INPP4B: variants seen among roughly 807,000 people sequenced by gnomAD.
The protein encoded by INPP4B is inositol polyphosphate 4-phosphatase type II.
Under a neutral mutation model 122.5 loss-of-function variants are expected in INPP4B, and 55 were observed. The observed-to-expected ratio is 0.45, with a 90% CI of 0.36 to 0.56. The LOEUF (loss-of-function observed/expected upper bound fraction) is 0.56, where lower values mean the gene tolerates loss of function less well. Among genes scored for constraint, INPP4B ranks in the 20% least tolerant of loss-of-function variants. INPP4B has a pLI of 0.00. For missense variants in INPP4B, 1,000 were observed against 1,097.7 expected (o/e 0.91, Z 1.26); for synonymous variants, 403 against 388.7 (o/e 1.04, Z -0.43).
chr4:142,328,892 A>C (rs538688814), intron 7 of INPP4B, among the ~76,000 whole-genome samples: 26 of 152,308 alleles, frequency 1.7e-4, no homozygotes, highest in African/African-American at 6.0e-4. Context: ...GCATTACATT[A>C]ATCTTACCCT....
intron 2 of INPP4B, among the ~76,000 whole-genome samples, chr4:142,575,959 A>C (rs1733734543): frequency 6.6e-6 from 1 of 152,048 alleles, no homozygotes; most frequent in Admixed American, 6.6e-5. Flanking sequence ...TAAGAGATTG[A>C]ATTCCCACCT....
intron 12 of INPP4B, among the ~76,000 whole-genome samples, chr4:142,217,098 T>G (rs1353937662): frequency 6.6e-6 from 1 of 152,138 alleles, no homozygotes; most frequent in East Asian, 1.9e-4. Context: ...TAATTTACAT[T>G]GGAATTCTGT....
intron 5 of INPP4B, among the ~76,000 whole-genome samples, chr4:142,411,568 A>T (rs1451747951): frequency 1.3e-5 from 2 of 152,128 alleles, no homozygotes; most frequent in African/African-American, 2.4e-5. Context: ...TACAGAGGAC[A>T]TTGGCATCCT....
chr4:142,745,403 G>C (rs1768560966), intron 1 of INPP4B, among the ~76,000 whole-genome samples: 1 of 151,754 alleles, frequency 6.6e-6, no homozygotes, highest in Non-Finnish European at 1.5e-5. Flanking sequence ...ATGTCCTGCA[G>C]GAAAAATCTT....
chr4:142,465,909 A>G (rs1817669683), intron 2 of INPP4B, among the ~76,000 whole-genome samples: 1 of 152,176 alleles, frequency 6.6e-6, no homozygotes, highest in Non-Finnish European at 1.5e-5. Flanking sequence ...CCATAATTGG[A>G]AGCTTTCTGA....
chr4:142,596,926 G>T (rs974425603), intron 2 of INPP4B, among the ~76,000 whole-genome samples: 3 of 152,112 alleles, frequency 2.0e-5, no homozygotes, highest in Non-Finnish European at 4.4e-5. Context: ...TTTTTGTTTT[G>T]ACCTCCAAAG....
chr4:142,730,790 A>G (rs1040498430), intron 1 of INPP4B, among the ~76,000 whole-genome samples: 3 of 152,140 alleles, frequency 2.0e-5, no homozygotes, highest in Non-Finnish European at 4.4e-5. Flanking sequence ...GCTAAACTCA[A>G]TGATCAGCAT....
intron 3 of INPP4B, among the ~76,000 whole-genome samples, chr4:142,442,639 G>A (rs1010487968): frequency 4.6e-5 from 7 of 152,062 alleles, no homozygotes; most frequent in African/African-American, 1.7e-4. Flanking sequence ...CTTAAATGAT[G>A]CATGAAATCA....
At chr4:142,211,610 G>A (rs1279741098) in intron 12 of INPP4B, among the ~76,000 whole-genome samples, 1 of 152,098 alleles carries the variant, frequency 6.6e-6, no homozygotes, top group African/African-American at 2.4e-5. Flanking sequence ...AAACATAGCT[G>A]GTTATTTGGT....
At chr4:142,616,987 A>G (rs1743837584) in intron 2 of INPP4B, among the ~76,000 whole-genome samples, 1 of 152,172 alleles carries the variant, frequency 6.6e-6, no homozygotes, top group African/African-American at 2.4e-5. Flanking sequence ...CCTATTGGGT[A>G]CATTGTGCAG....
chr4:142,433,822 T>C (rs1002421137), intron 3 of INPP4B, among the ~76,000 whole-genome samples: 11 of 152,164 alleles, frequency 7.2e-5, no homozygotes, highest in African/African-American at 2.4e-4. Context: ...CCCTTAGTTG[T>C]TATGGTTCCT....
chr4:142,258,466 C>G (rs1737740160), intron 11 of INPP4B, among the ~76,000 whole-genome samples: 1 of 152,176 alleles, frequency 6.6e-6, no homozygotes, highest in Non-Finnish European at 1.5e-5. Flanking sequence ...TGACAAAGGA[C>G]TAATATCCAG....
intron 1 of INPP4B, among the ~76,000 whole-genome samples, chr4:142,774,822 T>C (rs150791352): frequency 0.013 from 2,045 of 152,200 alleles, 25 homozygotes; most frequent in Middle Eastern, 0.044. Context: ...TATTAACCTC[T>C]TACATTAGTA....
At chr4:142,824,865 T>C (rs968018930) in intron 1 of INPP4B, among the ~76,000 whole-genome samples, 4 of 152,134 alleles carry the variant, frequency 2.6e-5, no homozygotes, top group African/African-American at 7.2e-5. Context: ...ATTGGAAATA[T>C]ATAGTTTAAA....
intron 2 of INPP4B, among the ~76,000 whole-genome samples, chr4:142,542,243 T>C (rs113566438): frequency 2.8e-4 from 43 of 152,308 alleles, no homozygotes; most frequent in African/African-American, 1.0e-3. Context: ...ATATTATTCT[T>C]ATATTTCTTA....
At chr4:142,734,590 GA>G (rs1373840480) in intron 1 of INPP4B, among the ~76,000 whole-genome samples, 1 of 152,162 alleles carries the variant, frequency 6.6e-6, no homozygotes, top group Non-Finnish European at 1.5e-5. Flanking sequence ...GTGACATTAA[GA>G]TCCAAATTCA....
At chr4:142,394,038 T>C (rs981967930) in intron 7 of INPP4B, among the ~76,000 whole-genome samples, 2 of 152,234 alleles carry the variant, frequency 1.3e-5, no homozygotes, top group African/African-American at 4.8e-5. Flanking sequence ...GTAGATAATA[T>C]GGTTTTTGAG....
chr4:142,662,332 A>T (rs559397328), intron 2 of INPP4B, among the ~76,000 whole-genome samples: 1 of 152,258 alleles, frequency 6.6e-6, no homozygotes, highest in South Asian at 2.1e-4. Flanking sequence ...GCACAATCTT[A>T]ATGCTCCCTT....
intron 2 of INPP4B, among the ~76,000 whole-genome samples, chr4:142,665,694 C>T (rs1446930944): frequency 6.6e-6 from 1 of 151,838 alleles, no homozygotes; most frequent in Non-Finnish European, 1.5e-5. Context: ...AAAATATTTT[C>T]ATAACCTATG....
Sources: allele counts gnomAD v4.1 joint callset (sites outside exome capture counted in the v4.1 genomes callset), GRCh38; gene constraint gnomAD v4.1.1; transcripts MANE v1.5; gene names NCBI Gene and HGNC (gene_info 2026-07-23, HGNC 2026-07-21).